CLEC3A: variants seen among roughly 807,000 people sequenced by gnomAD.
The protein encoded by CLEC3A is C-type lectin domain family 3 member A.
In CLEC3A, 28 loss-of-function variants were observed where a neutral mutation model predicts 20.4. That is an observed-to-expected ratio of 1.37 (90% CI 1.02 to 1.88). The LOEUF is 1.88. CLEC3A is among the 40% of genes most tolerant of loss of function. The pLI, the probability that CLEC3A is intolerant of heterozygous loss-of-function variation, is 0.00. For missense variants in CLEC3A, 357 were observed against 240.4 expected (o/e 1.48, Z -3.21); for synonymous variants, 110 against 88.1 (o/e 1.25, Z -1.39).
rs75669477 is a variant in CLEC3A at position 78,026,093 on chromosome 16, A to G, written c.116-2014A>G. Among the ~76,000 whole-genome samples the G allele has an allele frequency of 3.6e-3, 554 of 152,310 alleles. 4 individuals are homozygous for G. The highest frequency in any genetic ancestry group is 0.012 in the African/African-American group (517 of 41,566). On this transcript the variant is annotated intron_variant, in intron 1 of 2. Transcript: ENST00000299642. ...CACCCTTACATTTTTTCTGGATTAA[A>G]TGGTCACACAGGTAAAAATCTTTAG...
chr16:78,025,820 G>T (rs2029898176), intron 1 of CLEC3A, among the ~76,000 whole-genome samples: 2 of 152,208 alleles, frequency 1.3e-5, no homozygotes, highest in Non-Finnish European at 2.9e-5. Flanking sequence ...GGAAGCTACA[G>T]CCAAGTCCCT....
intron 2 of CLEC3A, among the ~76,000 whole-genome samples, chr16:78,028,533 A>T (rs1425254683): frequency 2.6e-5 from 4 of 152,246 alleles, no homozygotes; most frequent in Non-Finnish European, 5.9e-5. Context: ...CTATCAGGCC[A>T]CCAGGACTCT....
At position 78,031,510 on chromosome 16, in the gene CLEC3A, A is replaced by G. The variant is rs1181922885; in HGVS notation, c.*669A>G. 2.6e-5 allele frequency: 4 copies of G among 151,684 alleles called. No homozygotes were observed. The highest frequency in any genetic ancestry group is 5.9e-5 in the Non-Finnish European group (4 of 67,948). The allele number at this position is 151,684 out of a possible 1,614,324, so 9.4% of individuals were successfully genotyped here. On this transcript the variant is annotated 3_prime_UTR_variant, in exon 3 of 3. Coordinates refer to ENST00000299642, the MANE Select transcript of CLEC3A (RefSeq NM_005752.6). ...TTTGAAATGAAATGACAAGGTGTATATTTGATCAATTTTCATTCCCACCAT... is the reference window on the plus strand; with the variant it reads ...TTTGAAATGAAATGACAAGGTGTATGTTTGATCAATTTTCATTCCCACCAT...
chr16:78,027,920 T>C (rs1206417218), intron 1 of CLEC3A, among the ~76,000 whole-genome samples, 187 bp from the exon 2 acceptor site: 2 of 152,276 alleles, frequency 1.3e-5, no homozygotes, highest in African/African-American at 4.8e-5. Flanking sequence ...CCTCCCCAAG[T>C]GCTGGGATTA....
rs936047610 is a variant in CLEC3A at position 78,022,678 on chromosome 16, G to C, written c.52G>C (p.Asp18His). 5 of 1,613,956 alleles carry C rather than the reference G, an allele frequency of 3.1e-6. No individual in the cohort carries two copies. In the African/African-American group the frequency reaches 5.3e-5, roughly 17 times the overall value. Residue 18 changes from aspartate (D) to histidine (H), a missense_variant, in exon 1 of 3, where the codon GAC (aspartate) becomes CAC (histidine). Coordinates refer to ENST00000299642, the MANE Select transcript of CLEC3A (RefSeq NM_005752.6). ...ICILVITLLL[D>H]QTTSHTSRLK... ...CATCCTGGTGATCACCTTACTCCTG[G>C]ACCAGACCACCAGCCACACATCCAG...
intron 1 of CLEC3A, among the ~76,000 whole-genome samples, chr16:78,023,958 C>T (rs767942262): frequency 6.6e-6 from 1 of 151,876 alleles, no homozygotes; most frequent in Non-Finnish European, 1.5e-5. Context: ...GAGGTTTCGC[C>T]GTGTTAGCCA....
In CLEC3A at chr16:78,030,671, GTTGACGTCAA is replaced by G; in HGVS notation, c.425_434del (p.Val142AlafsTer67). 1 of 1,614,146 alleles carries G rather than the reference GTTGACGTCAA, an allele frequency of 6.2e-7. No homozygotes were observed. Among genetic ancestry groups the G allele is most frequent in the Non-Finnish European group, 8.5e-7 (1 of 1,180,030 alleles). Reference sequence around the variant, plus strand: ...TGACATGGTCACGGAAGGCAAGTTTGTTGACGTCAACGGAATCGCTATCTCCTTCCTCAAC... The same window carrying G: ...TGACATGGTCACGGAAGGCAAGTTTGCGGAATCGCTATCTCCTTCCTCAAC... On this transcript the variant is annotated frameshift_variant, in exon 3 of 3. Transcript: ENST00000299642. LOFTEE classifies it high-confidence loss of function.
intron 1 of CLEC3A, among the ~76,000 whole-genome samples, chr16:78,023,736 T>C (rs951411989): frequency 3.3e-5 from 5 of 151,678 alleles, no homozygotes; most frequent in Non-Finnish European, 4.4e-5. Context: ...ATTTACAAAA[T>C]TTAGGTCTGG....
intron 2 of CLEC3A, among the ~76,000 whole-genome samples, chr16:78,028,591 C>A (rs915425834): frequency 6.6e-6 from 1 of 152,214 alleles, no homozygotes; most frequent in Non-Finnish European, 1.5e-5. Context: ...GGGTTAGAAC[C>A]GCAGCTTGCC....
intron 2 of CLEC3A, 22 bp downstream of exon 2, chr16:78,028,212 T>G (rs373123396): frequency 9.8e-6 from 15 of 1,533,446 alleles, no homozygotes; most frequent in African/African-American, 1.4e-5. Context: ...ACCTTCTCAG[T>G]GCCTTGTCCC....
chr16:78,024,656 C>T (rs2018790383), intron 1 of CLEC3A, among the ~76,000 whole-genome samples: 1 of 151,982 alleles, frequency 6.6e-6, no homozygotes, highest in Non-Finnish European at 1.5e-5. Context: ...CAATTATATC[C>T]CCACCCATCC....
rs1240464311 is a variant in CLEC3A, at chr16:78,022,839, C to T, written c.115+98C>T. On this transcript the variant is annotated intron_variant, in intron 1 of 2. Coordinates refer to ENST00000299642, the MANE Select transcript of CLEC3A (RefSeq NM_005752.6). ...TCAAACTCCTCCAGGAGACTATCTTCGGTGATGGCACCATGCCATCATCCC... is the reference window on the plus strand; with the variant it reads ...TCAAACTCCTCCAGGAGACTATCTTTGGTGATGGCACCATGCCATCATCCC... 4.0e-6 allele frequency: 5 copies of T among 1,264,478 alleles called. No homozygotes were observed. In the Admixed American group the frequency reaches 6.5e-5, roughly 16 times the overall value. The allele number at this position is 1,264,478 out of a possible 1,614,324, so 78.3% of individuals were successfully genotyped here.
chr16:78,022,617 C>A lies in CLEC3A; in HGVS notation c.-10C>A. 1 of 1,613,758 alleles carries A rather than the reference C, an allele frequency of 6.2e-7. No individual in the cohort carries two copies. The highest frequency in any genetic ancestry group is 8.5e-7 in the Non-Finnish European group (1 of 1,179,864). On this transcript the variant is annotated 5_prime_UTR_variant, in exon 1 of 3. It introduces an in-frame stop codon into an upstream open reading frame of the 5' UTR. Coordinates refer to ENST00000299642, the MANE Select transcript of CLEC3A (RefSeq NM_005752.6). ...CTGGCAACATGGCTCAGCAGGCTTGCCCCAGAGCCATGGCAAAGAATGGAC... is the reference window on the plus strand; with the variant it reads ...CTGGCAACATGGCTCAGCAGGCTTGACCCAGAGCCATGGCAAAGAATGGAC...
rs1453921688 is a variant in CLEC3A at position 78,031,918 on chromosome 16, AGGGAAATG to A, written c.*1080_*1087del. On this transcript the variant is annotated 3_prime_UTR_variant, in exon 3 of 3. Coordinates refer to ENST00000299642, the MANE Select transcript of CLEC3A (RefSeq NM_005752.6). ...ATCAAATTACAAAGTTTAGACTTGG[AGGGAAATG>A]GGCTTTTTAGAAGCAAACAATTTTA... 6 of 152,564 alleles carry A rather than the reference AGGGAAATG, an allele frequency of 3.9e-5. No individual in the cohort carries two copies. The highest frequency in any genetic ancestry group is 1.4e-4 in the African/African-American group (6 of 41,456). 9.5% of individuals were successfully genotyped at this position (152,564 alleles called of 1,614,324 possible). A position where few individuals can be genotyped will look rare whatever the true frequency, so the allele number is the denominator to read the frequency against.
rs1163976237 is a variant in CLEC3A at position 78,031,894 on chromosome 16, T to TTAAG, written c.*1053_*1054insTAAG. 1 of 152,478 alleles carries TTAAG rather than the reference T, an allele frequency of 6.6e-6. No individual in the cohort carries two copies. Among genetic ancestry groups the TTAAG allele is most frequent in the Non-Finnish European group, 1.5e-5 (1 of 68,036 alleles). The allele number at this position is 152,478 out of a possible 1,614,324, so 9.4% of individuals were successfully genotyped here. On this transcript the variant is annotated 3_prime_UTR_variant, in exon 3 of 3. Transcript: ENST00000299642. Reference sequence around the variant, plus strand: ...TACAAAATAACTTCATTGCTTAATATCAAATTACAAAGTTTAGACTTGGAG... The same window carrying TTAAG: ...TACAAAATAACTTCATTGCTTAATATTAAGCAAATTACAAAGTTTAGACTTGGAG...
At chr16:78,030,100 C>T (rs2030045668) in intron 2 of CLEC3A, among the ~76,000 whole-genome samples, 1 of 144,794 alleles carries the variant, frequency 6.9e-6, no homozygotes, top group South Asian at 2.2e-4. Flanking sequence ...TTGCAGTGAG[C>T]CGAGATGGCG....
At chr16:78,025,697 C>T (rs1250000270) in intron 1 of CLEC3A, among the ~76,000 whole-genome samples, 1 of 152,314 alleles carries the variant, frequency 6.6e-6, no homozygotes, top group East Asian at 1.9e-4. Flanking sequence ...TCATAGGTCT[C>T]AATTTATGTG....
chr16:78,025,564 T>C (rs993269875), intron 1 of CLEC3A, among the ~76,000 whole-genome samples: 1 of 152,174 alleles, frequency 6.6e-6, no homozygotes, highest in Non-Finnish European at 1.5e-5. Context: ...GGAATGACTT[T>C]TGTGTTTCTA....
At chr16:78,027,163 A>G (rs548780052) in intron 1 of CLEC3A, among the ~76,000 whole-genome samples, 1 of 152,322 alleles carries the variant, frequency 6.6e-6, no homozygotes, top group East Asian at 1.9e-4. Flanking sequence ...ATTATGTACC[A>G]AGTATCATGT....
Sources: gnomAD v4.1 joint callset for allele counts (sites outside exome capture counted in the v4.1 genomes callset) on GRCh38, gnomAD v4.1.1 for gene constraint, MANE v1.5 for transcripts, NCBI Gene and HGNC (gene_info 2026-07-23, HGNC 2026-07-21) for gene names.